The following ERICH6B variants were observed in gnomAD, a reference collection of about 807,000 sequenced individuals.
The protein encoded by ERICH6B is glutamate-rich protein 6B.
In ERICH6B, 69 loss-of-function variants were observed where a neutral mutation model predicts 80.0. The ratio of observed to expected loss-of-function variants is 0.86; its 90% CI spans 0.71 to 1.05. The LOEUF (loss-of-function observed/expected upper bound fraction) is 1.05. Ranked by LOEUF, ERICH6B falls within the 50% of genes least tolerant of loss-of-function variation. The probability of loss-of-function intolerance (pLI) is 0.00; values close to 1 mark genes in which losing one functional copy is unlikely to be tolerated. For missense variants in ERICH6B, 754 were observed against 796.1 expected (o/e 0.95, Z 0.64); for synonymous variants, 283 against 291.9 (o/e 0.97, Z 0.31).
At chr13:45,602,051 T>C (rs1174014456) in intron 2 of ERICH6B, among the ~76,000 whole-genome samples, 1 of 152,208 alleles carries the variant, frequency 6.6e-6, no homozygotes, top group African/African-American at 2.4e-5. Flanking sequence ...AATCAGTTCA[T>C]GCCATGGGGA....
intron 14 of ERICH6B, among the ~76,000 whole-genome samples, chr13:45,542,865 G>C (rs1873838160): frequency 6.6e-6 from 1 of 152,228 alleles, no homozygotes; most frequent in Non-Finnish European, 1.5e-5. Flanking sequence ...CCCAGTTTTA[G>C]CAGTGAAAGT....
Position 45,568,204 on chromosome 13 carries a change from C to T in ERICH6B, c.1187+111G>A, listed in dbSNP as rs1875001930. 6 of 1,229,842 alleles carry T rather than the reference C, an allele frequency of 4.9e-6. No homozygotes were observed. The East Asian group carries it at 1.7e-4, about 34-fold the overall frequency. The allele number at this position is 1,229,842 out of a possible 1,614,324, so 76.2% of individuals were successfully genotyped here. On this transcript the variant is annotated intron_variant, in intron 9 of 14. Coordinates refer to ENST00000298738, the MANE Select transcript of ERICH6B (RefSeq NM_182542.3). ...CTGCTCCTTGACTCAGGGAACCTGT[C>T]TGGTCCTGACTTGCTCTTTTTTGTT... is the stretch of plus-strand genomic sequence containing the variant.
At position 45,596,974 on chromosome 13, in the gene ERICH6B, G is replaced by T; in HGVS notation, c.32C>A (p.Ala11Glu). 1 of 1,550,840 alleles carries T rather than the reference G, an allele frequency of 6.4e-7. No individual in the cohort carries two copies. Among genetic ancestry groups the T allele is most frequent in the Non-Finnish European group, 8.7e-7 (1 of 1,146,536 alleles). The change falls in exon 3 of 15, where the codon GCA (alanine) becomes GAA (glutamate). Residue 11 changes from alanine (A) to glutamate (E), a missense_variant. Transcript: ENST00000298738. MSAENNQLSG[A>E]SPPHPPTTPQ... Reference sequence around the variant, plus strand: ...AGTTGTGGGAGGGTGAGGAGGTGATGCTCCTGATAACTGATTATTTTCAGC... The same window carrying T: ...AGTTGTGGGAGGGTGAGGAGGTGATTCTCCTGATAACTGATTATTTTCAGC...
At chr13:45,554,267 T>C (rs888181022) in intron 11 of ERICH6B, among the ~76,000 whole-genome samples, 1 of 152,236 alleles carries the variant, frequency 6.6e-6, no homozygotes, top group East Asian at 1.9e-4. Flanking sequence ...CCTCTCCAGG[T>C]TCATCCATGT....
At chr13:45,553,922 A>G (rs1874329279) in intron 11 of ERICH6B, among the ~76,000 whole-genome samples, 1 of 152,180 alleles carries the variant, frequency 6.6e-6, no homozygotes, top group South Asian at 2.1e-4. Context: ...GGCTAAGTCA[A>G]GCTATTTAAC....
chr13:45,596,232 G>T, intron 3 of ERICH6B, 137 bp downstream of exon 3: 2 of 1,156,472 alleles, frequency 1.7e-6, no homozygotes, highest in Non-Finnish European at 2.4e-6. Context: ...GGGCATCCTG[G>T]TAAACTAGAG....
intron 1 of ERICH6B, among the ~76,000 whole-genome samples, chr13:45,612,952 A>G (rs1261628280): frequency 6.6e-6 from 1 of 152,206 alleles, no homozygotes; most frequent in Non-Finnish European, 1.5e-5. Flanking sequence ...CGTAGAGGCC[A>G]TCCTCAATGT....
chr13:45,584,760 C>T (rs187675383), intron 5 of ERICH6B, among the ~76,000 whole-genome samples: 4,289 of 152,270 alleles, frequency 0.028, 187 homozygotes, highest in African/African-American at 0.096. Context: ...GTGCCCAGTT[C>T]TTTGGGTTGT....
Position 45,596,693 on chromosome 13 carries a change from C to T in ERICH6B, c.313G>A (p.Glu105Lys). The T allele has an allele frequency of 6.4e-7, 1 of 1,552,076 alleles. No individual in the cohort carries two copies. The highest frequency in any genetic ancestry group is 8.7e-7 in the Non-Finnish European group (1 of 1,147,058). ...EEYLEKAGYL[E>K]EEEYIEEEEY... Reference sequence around the variant, plus strand: ...TCCTCTTCAATATACTCTTCCTCCTCCAGATACCCTGCCTTCTCCAGATAC... The same window carrying T: ...TCCTCTTCAATATACTCTTCCTCCTTCAGATACCCTGCCTTCTCCAGATAC... The change falls in exon 3 of 15, where the codon GAG becomes AAG. Residue 105 changes from glutamate (E) to lysine (K), a missense_variant. Glu to Lys is a moderately conservative substitution (Grantham distance 56, BLOSUM62 1). Coordinates refer to ENST00000298738, the MANE Select transcript of ERICH6B (RefSeq NM_182542.3).
At position 45,567,463 on chromosome 13, in the gene ERICH6B, G is replaced by C. The variant is rs149695146; in HGVS notation, c.1187+852C>G. Among the ~76,000 whole-genome samples the C allele has an allele frequency of 7.4e-3, 1,121 of 152,216 alleles. 13 individuals are homozygous for C. Among genetic ancestry groups the C allele is most frequent in the African/African-American group, 0.025 (1,044 of 41,520 alleles). ...CAGTGGGAGGTAATTGAATCATGGGGGCAGGTCTTTCCAGTTCTGTTCTCG... is the reference window on the plus strand; with the variant it reads ...CAGTGGGAGGTAATTGAATCATGGGCGCAGGTCTTTCCAGTTCTGTTCTCG... On this transcript the variant is annotated intron_variant, in intron 9 of 14. Coordinates refer to ENST00000298738, the MANE Select transcript of ERICH6B (RefSeq NM_182542.3).
At chr13:45,587,734 G>T (rs545182395) in intron 4 of ERICH6B, among the ~76,000 whole-genome samples, 1 of 152,218 alleles carries the variant, frequency 6.6e-6, no homozygotes, top group Non-Finnish European at 1.5e-5. Flanking sequence ...TGGGTGTGAG[G>T]TGCAGGCTCC....
In ERICH6B at chr13:45,552,874, A is replaced by G. The variant is rs557090498; in HGVS notation, c.1408-2558T>C. 4.2e-5 allele frequency: 8 copies of G among 189,114 alleles called. No individual in the cohort carries two copies. The East Asian group carries it at 1.3e-3, about 30-fold the overall frequency. The allele number at this position is 189,114 out of a possible 1,614,324, so 11.7% of individuals were successfully genotyped here. A position where few individuals can be genotyped will look rare whatever the true frequency, so the allele number is the denominator to read the frequency against. ...GACATTTTTTATTAAAAGTTCATCC[A>G]TCAGGACTTCTCTATCATGGTTGGC... On this transcript the variant is annotated intron_variant, in intron 11 of 14. Coordinates refer to ENST00000298738, the MANE Select transcript of ERICH6B (RefSeq NM_182542.3).
chr13:45,565,577 G>A (rs1367117045), intron 9 of ERICH6B, among the ~76,000 whole-genome samples: 1 of 152,334 alleles, frequency 6.6e-6, no homozygotes, highest in East Asian at 1.9e-4. Flanking sequence ...TTTCCATGCT[G>A]TTCTTGTGAT....
At chr13:45,558,420 C>T (rs1432989208) in intron 11 of ERICH6B, among the ~76,000 whole-genome samples, 1 of 152,032 alleles carries the variant, frequency 6.6e-6, no homozygotes, top group Non-Finnish European at 1.5e-5. Flanking sequence ...AATTTGGATG[C>T]CCTTTCTTTC....
rs995085044 is a variant in ERICH6B at position 45,550,313 on chromosome 13, G to A, written c.1411C>T (p.His471Tyr). The change falls in exon 12 of 15, where the codon CAT (histidine) becomes TAT (tyrosine). Residue 471 changes from histidine (H) to tyrosine (Y), a missense_variant. By Grantham distance (83) the His-to-Tyr change is moderately conservative. Transcript: ENST00000298738. ...KEWIQKKTVV[H>Y]QGDGKLILYP... ...AGAATTAATTTTCCATCACCTTGATGCACCTGGGAAGAAAAGACAAGCCTA... is the reference window on the plus strand; with the variant it reads ...AGAATTAATTTTCCATCACCTTGATACACCTGGGAAGAAAAGACAAGCCTA... 1 of 1,550,942 alleles carries A rather than the reference G, an allele frequency of 6.4e-7. No individual in the cohort carries two copies. Among genetic ancestry groups the A allele is most frequent in the African/African-American group, 1.4e-5 (1 of 73,032 alleles).
chr13:45,604,782 C>T (rs754251032), intron 2 of ERICH6B, among the ~76,000 whole-genome samples: 3 of 151,986 alleles, frequency 2.0e-5, no homozygotes, highest in Non-Finnish European at 2.9e-5. Flanking sequence ...AAAAATTAGC[C>T]GGGCATGGTG....
intron 10 of ERICH6B, among the ~76,000 whole-genome samples, chr13:45,563,039 G>C (rs959524826): frequency 2.6e-5 from 4 of 152,212 alleles, no homozygotes; most frequent in African/African-American, 9.6e-5. Flanking sequence ...TGTAGTATGA[G>C]TTTTTGAATG....
In ERICH6B at chr13:45,574,823, A is replaced by C; in HGVS notation, c.1050+19T>G. 6.5e-7 allele frequency: 1 copy of C among 1,536,854 alleles called. No homozygotes were observed. Among genetic ancestry groups the C allele is most frequent in the African/African-American group, 1.4e-5 (1 of 71,564 alleles). On this transcript the variant is annotated intron_variant, in intron 8 of 14. Transcript: ENST00000298738. The stretch of plus-strand genomic sequence containing the variant: ...TGGAGGAAGCTGGGGGGGGGGTCTC[A>C]AGTTTTTATCCAACTTACGTTTTCA...
chr13:45,561,107 A>G (rs1057111920), intron 11 of ERICH6B, among the ~76,000 whole-genome samples: 5 of 152,130 alleles, frequency 3.3e-5, no homozygotes, highest in Non-Finnish European at 5.9e-5. Flanking sequence ...TATATAATAT[A>G]CATTTCCTTT....
Sources: gnomAD v4.1 joint callset for allele counts (sites outside exome capture counted in the v4.1 genomes callset) on GRCh38, gnomAD v4.1.1 for gene constraint, MANE v1.5 for transcripts, NCBI Gene and HGNC (gene_info 2026-07-23, HGNC 2026-07-21) for gene names.